The following LGI1 variants were observed in gnomAD, a reference collection of about 807,000 sequenced individuals.
LGI1 encodes the protein leucine rich glioma inactivated 1, also known as leucine-rich glioma-inactivated protein 1.
Under a neutral mutation model 57.7 loss-of-function variants are expected in LGI1, and 11 were observed. The ratio of observed to expected loss-of-function variants is 0.19; its 90% confidence interval spans 0.12 to 0.32. LGI1 has a LOEUF of 0.32. Among genes scored for constraint, LGI1 ranks in the 10% least tolerant of loss-of-function variants. LGI1 has a pLI of 1.00. For synonymous variants in LGI1, 222 were observed against 241.9 expected, an observed-to-expected ratio of 0.92 and a Z score of 0.76; for missense variants, 422 against 661.9, an observed-to-expected ratio of 0.64 and a Z score of 3.98.
intron 4 of LGI1, among the ~76,000 whole-genome samples, chr10:93,778,093 T>C (rs2134002142): frequency 6.6e-6 from 1 of 152,308 alleles, no homozygotes; most frequent in African/African-American, 2.4e-5. Context: ...CAGTTGTTCT[T>C]AACAGGGAAC....
chr10:93,773,998 T>C (rs1037037372), intron 2 of LGI1, among the ~76,000 whole-genome samples: 2 of 152,180 alleles, frequency 1.3e-5, no homozygotes, highest in Non-Finnish European at 2.9e-5. Flanking sequence ...ATGATGCTGC[T>C]GCTGTTGTGA....
chr10:93,788,014 C>T (rs776447138), intron 4 of LGI1, among the ~76,000 whole-genome samples: 1 of 151,972 alleles, frequency 6.6e-6, no homozygotes, highest in Non-Finnish European at 1.5e-5. Flanking sequence ...ACTGCTTAAT[C>T]ATTGCATGCC....
chr10:93,795,280 A>C (rs949267976), intron 7 of LGI1, among the ~76,000 whole-genome samples: 1 of 152,172 alleles, frequency 6.6e-6, no homozygotes, highest in Admixed American at 6.5e-5. Flanking sequence ...TAAGAACAGA[A>C]ATTTATTTCT....
chr10:93,762,479 C>T (rs756845729), intron 2 of LGI1: 1 of 152,196 alleles, frequency 6.6e-6, no homozygotes, highest in East Asian at 1.9e-4. Flanking sequence ...GCCTCCTTTA[C>T]CTTTAAAGCA....
intron 2 of LGI1, among the ~76,000 whole-genome samples, chr10:93,765,969 C>CAAAAAA (rs35644716): frequency 4.2e-5 from 4 of 95,020 alleles, no homozygotes; most frequent in African/African-American, 1.2e-4. Flanking sequence ...GCCTCCGTCT[C>CAAAAAA]AAAAAAAAAA....
intron 2 of LGI1, among the ~76,000 whole-genome samples, chr10:93,761,360 C>T (rs2059621092): frequency 6.6e-6 from 1 of 152,200 alleles, no homozygotes; most frequent in Non-Finnish European, 1.5e-5. Flanking sequence ...ACCCATCATA[C>T]ACTGTGAAGA....
intron 5 of LGI1, chr10:93,791,943 T>C (rs1381904408): frequency 6.6e-6 from 1 of 152,214 alleles, no homozygotes; most frequent in East Asian, 1.9e-4. Flanking sequence ...TTAAATACAT[T>C]ACAATAATCA....
intron 2 of LGI1, chr10:93,768,459 C>T (rs1042404211): frequency 2.0e-5 from 3 of 152,150 alleles, no homozygotes; most frequent in African/African-American, 7.2e-5. Flanking sequence ...AGATGTCAAG[C>T]TGTTGAAGAT....
At chr10:93,763,485 C>T (rs1192089480) in intron 2 of LGI1, 2 of 152,206 alleles carry the variant, frequency 1.3e-5, no homozygotes, top group African/African-American at 4.8e-5. Context: ...AGAGAAAAAC[C>T]CAGACATGTT....
intron 4 of LGI1, among the ~76,000 whole-genome samples, chr10:93,781,794 C>G (rs2059849985): frequency 6.6e-6 from 1 of 152,104 alleles, no homozygotes; most frequent in Non-Finnish European, 1.5e-5. Flanking sequence ...GTAATGATTG[C>G]TTTGTGTGCC....
chr10:93,758,058 C>A lies in LGI1; in HGVS notation c.-87C>A. On this transcript the variant is annotated 5_prime_UTR_variant, in exon 1 of 8. Coordinates refer to ENST00000371418, the MANE Select transcript of LGI1 (RefSeq NM_005097.4). This position sits in a 1 kb window ranked among gnomAD's most constrained non-coding sequence, Gnocchi z 4.7. ...TACAGAGGCAGAGGAAAAGGGTGGA[C>A]TCCTATGTGACCTGTTCTTAGAGCA... 1.7e-6 allele frequency: 2 copies of A among 1,164,360 alleles called. No homozygotes were observed. The highest frequency in any genetic ancestry group is 2.6e-6 in the Non-Finnish European group (2 of 782,800). The allele number at this position is 1,164,360 out of a possible 1,614,324, so 72.1% of individuals were successfully genotyped here.
chr10:93,793,486 T>G, intron 7 of LGI1, 136 bp downstream of exon 7: 1 of 779,756 alleles, frequency 1.3e-6, no homozygotes, highest in Non-Finnish European at 2.2e-6. Context: ...GACCTGGGAT[T>G]GTTCTCTAAG....
chr10:93,779,676 GC>G (rs1045024899), intron 4 of LGI1, among the ~76,000 whole-genome samples: 2 of 152,154 alleles, frequency 1.3e-5, no homozygotes, highest in African/African-American at 4.8e-5. Context: ...TCTTAATGAT[GC>G]CCTTTCTTTA....
At chr10:93,796,856 G>T (rs2059984518) in intron 7 of LGI1, 112 bp from the exon 8 acceptor site, 1 of 872,240 alleles carries the variant, frequency 1.1e-6, no homozygotes, top group African/African-American at 1.7e-5. Context: ...CAACCAAGGA[G>T]ATCTCTTGTT....
Position 93,797,224 on chromosome 10 carries a change from C to T in LGI1, c.1095C>T (p.Asn365=), listed in dbSNP as rs934556455. ...CTACCATTTACAAATGGAACGGAAA[C>T]GGATTCTACTCCCATCAATCCTTAC... ...GFTTIYKWNG[N]GFYSHQSLHA... is the part of the protein sequence containing the mutation. Residue 365 remains asparagine, a synonymous_variant, in exon 8 of 8, where the codon AAC becomes AAT. Coordinates refer to ENST00000371418, the MANE Select transcript of LGI1 (RefSeq NM_005097.4). The surrounding 1 kb of genome is among the most constrained non-coding windows in gnomAD (Gnocchi z 6.5). The T allele has an allele frequency of 1.8e-5, 29 of 1,614,026 alleles. No homozygotes were observed. The highest frequency in any genetic ancestry group is 4.4e-5 in the South Asian group (4 of 91,088).
At chr10:93,789,823 G>GATT in intron 4 of LGI1, 4 of 403,898 alleles carry the variant, frequency 9.9e-6, no homozygotes, top group Non-Finnish European at 1.8e-5. Flanking sequence ...AGTGAGCTGA[G>GATT]GTCACACCAC....
intron 2 of LGI1, among the ~76,000 whole-genome samples, chr10:93,766,176 T>C (rs901012670): frequency 6.6e-6 from 1 of 152,168 alleles, no homozygotes; most frequent in Non-Finnish European, 1.5e-5. Flanking sequence ...GATAAAATGA[T>C]GTTTCAGTAT....
intron 2 of LGI1, among the ~76,000 whole-genome samples, chr10:93,759,867 T>A (rs2059604942): frequency 6.6e-6 from 1 of 152,186 alleles, no homozygotes; most frequent in African/African-American, 2.4e-5. Flanking sequence ...ACCCTGCCAC[T>A]CATAGAACCT....
chr10:93,777,364 A>G lies in LGI1; in HGVS notation c.288-15A>G. 2.5e-6 allele frequency: 4 copies of G among 1,611,782 alleles called. No individual in the cohort carries two copies. The highest frequency in any genetic ancestry group is 3.4e-6 in the Non-Finnish European group (4 of 1,177,886). The stretch of plus-strand genomic sequence containing the variant: ...GTCAGTTTCACCATTTTCATTGTGT[A>G]CTTTTTCTGGGCAGGTTATTCACAT... On this transcript the variant is annotated splice_polypyrimidine_tract_variant and intron_variant, in intron 2 of 7. Transcript: ENST00000371418.
Sources: gnomAD v4.1 joint callset for allele counts (sites outside exome capture counted in the v4.1 genomes callset) on GRCh38, gnomAD v4.1.1 for gene constraint, Gnocchi (gnomAD v3.1) non-coding constraint, MANE v1.5 for transcripts, NCBI Gene and HGNC (gene_info 2026-07-23, HGNC 2026-07-21) for gene names.